Variants in PIK3CB observed in about 807,000 individuals in gnomAD.
The protein encoded by PIK3CB is phosphatidylinositol-4,5-bisphosphate 3-kinase catalytic subunit beta.
PIK3CB carries 39 observed loss-of-function variants against 136.8 expected under a neutral mutation model. The observed-to-expected ratio is 0.29, with a 90% confidence interval of 0.22 to 0.37. The LOEUF is 0.37. Among genes scored for constraint, PIK3CB ranks in the 10% least tolerant of loss-of-function variants. The pLI is 1.00. For synonymous variants in PIK3CB, 428 were observed against 436.6 expected, an observed-to-expected ratio of 0.98 and a Z score of 0.25; for missense variants, 868 against 1,275.4, an observed-to-expected ratio of 0.68 and a Z score of 4.87.
chr3:138,694,829 G>C lies in PIK3CB; in HGVS notation c.1849C>G (p.Gln617Glu). The C allele has an allele frequency of 6.2e-7, 1 of 1,613,344 alleles. No homozygotes were observed. The highest frequency in any genetic ancestry group is 8.5e-7 in the Non-Finnish European group (1 of 1,179,670). ...LELLDFNYPD[Q>E]YVREYAVGCL... ...CCTACAGCATATTCTCGAACGTACT[G>C]GTCTGGATAGTTGAAATCCAGAAGC... is the stretch of plus-strand genomic sequence containing the variant. Residue 617 changes from glutamine to glutamate, a missense_variant, in exon 14 of 24, where the codon CAG becomes GAG. Coordinates refer to ENST00000674063, the MANE Select transcript of PIK3CB (RefSeq NM_006219.3).
At chr3:138,785,915 G>A (rs1317694134) in intron 2 of PIK3CB, among the ~76,000 whole-genome samples, 1 of 150,924 alleles carries the variant, frequency 6.6e-6, no homozygotes, top group Non-Finnish European at 1.5e-5. Flanking sequence ...CAAAAAACTA[G>A]GCATAATCCT....
chr3:138,723,281 T>C (rs1361450376), intron 8 of PIK3CB, among the ~76,000 whole-genome samples: 1 of 152,186 alleles, frequency 6.6e-6, no homozygotes, highest in Non-Finnish European at 1.5e-5. Context: ...CCTGGCACAG[T>C]GGCTCACGCC....
intron 18 of PIK3CB, 119 bp from the exon 19 acceptor site, chr3:138,682,164 C>G: frequency 1.7e-6 from 1 of 603,902 alleles, no homozygotes; most frequent in Non-Finnish European, 2.9e-6. Context: ...CTAATATTTT[C>G]ACTAATTTTA....
chr3:138,829,648 G>T (rs560708299), intron 1 of PIK3CB, among the ~76,000 whole-genome samples: 4 of 152,236 alleles, frequency 2.6e-5, no homozygotes, highest in Admixed American at 2.6e-4. Flanking sequence ...TTAGCCGGGC[G>T]TGGTGGCGTG....
chr3:138,761,685 G>T (rs999846483), intron 2 of PIK3CB, among the ~76,000 whole-genome samples: 2 of 152,046 alleles, frequency 1.3e-5, no homozygotes, highest in Admixed American at 1.3e-4. Flanking sequence ...CACGAGAATT[G>T]CTTGAACCTG....
intron 19 of PIK3CB, among the ~76,000 whole-genome samples, chr3:138,669,926 A>G (rs2043498997): frequency 6.6e-6 from 1 of 152,214 alleles, no homozygotes; most frequent in Non-Finnish European, 1.5e-5. Flanking sequence ...AGAAACAGTA[A>G]AAAAGGTTTG....
chr3:138,781,515 C>CA (rs2045923104), intron 2 of PIK3CB, among the ~76,000 whole-genome samples: 1 of 151,370 alleles, frequency 6.6e-6, no homozygotes, highest in Non-Finnish European at 1.5e-5. Flanking sequence ...TGCAGTGGTG[C>CA]AATCTTGGCT....
chr3:138,705,198 A>AAAAAAAAAAAAAAAT (rs1559828847), intron 11 of PIK3CB, among the ~76,000 whole-genome samples: 1 of 144,076 alleles, frequency 6.9e-6, no homozygotes, highest in Non-Finnish European at 1.5e-5. Flanking sequence ...AACAAAAAAA[A>AAAAAAAAAAAAAAAT]AAACTTATAT....
At chr3:138,834,319 G>A (rs1261969848) in intron 1 of PIK3CB, among the ~76,000 whole-genome samples, 1 of 152,228 alleles carries the variant, frequency 6.6e-6, no homozygotes, top group Non-Finnish European at 1.5e-5. Context: ...CCTGAGGGTC[G>A]GGAAGTTCCG....
intron 19 of PIK3CB, among the ~76,000 whole-genome samples, chr3:138,676,236 T>C (rs2043640124): frequency 6.6e-6 from 1 of 152,088 alleles, no homozygotes; most frequent in East Asian, 1.9e-4. Flanking sequence ...CATTAGTCAT[T>C]GGGAAAATGC....
At chr3:138,690,888 T>C in intron 15 of PIK3CB, 112 bp downstream of exon 15, 1 of 789,020 alleles carries the variant, frequency 1.3e-6, no homozygotes, top group Non-Finnish European at 2.0e-6. Flanking sequence ...ATATAAATGT[T>C]ATAAACGGTT....
intron 1 of PIK3CB, among the ~76,000 whole-genome samples, chr3:138,808,805 TAA>T (rs1553743014): frequency 2.0e-5 from 3 of 151,676 alleles, no homozygotes; most frequent in African/African-American, 2.4e-5. Flanking sequence ...ATATAAAATA[TAA>T]GTTTTATATG....
chr3:138,689,226 T>A (rs769121278), intron 15 of PIK3CB, among the ~76,000 whole-genome samples: 1 of 152,104 alleles, frequency 6.6e-6, no homozygotes, highest in Non-Finnish European at 1.5e-5. Context: ...AATAAAAAAG[T>A]GTAGCTAGAT....
intron 1 of PIK3CB, among the ~76,000 whole-genome samples, chr3:138,824,064 A>G (rs1256278619): frequency 6.6e-6 from 1 of 152,184 alleles, no homozygotes. Context: ...TGGCAGGAGA[A>G]GAAGATAAAT....
At chr3:138,659,611 C>G (rs2043252135) in intron 21 of PIK3CB, among the ~76,000 whole-genome samples, 1 of 152,008 alleles carries the variant, frequency 6.6e-6, no homozygotes, top group South Asian at 2.1e-4. Context: ...TTATAATTGC[C>G]AATGTAGCTA....
At chr3:138,668,030 T>C (rs1400235855) in intron 19 of PIK3CB, among the ~76,000 whole-genome samples, 3 of 151,790 alleles carry the variant, frequency 2.0e-5, no homozygotes, top group Admixed American at 2.0e-4. Context: ...ATTGCACCAT[T>C]GCACTCCAGC....
intron 1 of PIK3CB, among the ~76,000 whole-genome samples, chr3:138,812,949 T>C (rs1933142602): frequency 6.6e-6 from 1 of 152,146 alleles, no homozygotes; most frequent in African/African-American, 2.4e-5. Context: ...AATGTAAAAC[T>C]GGTGAAATGT....
At chr3:138,709,065 G>A (rs1350752053) in intron 10 of PIK3CB, among the ~76,000 whole-genome samples, 1 of 150,112 alleles carries the variant, frequency 6.7e-6, no homozygotes, top group East Asian at 1.9e-4. Context: ...TTATACATGT[G>A]AACCACCATA....
At chr3:138,824,005 C>CT (rs36089860) in intron 1 of PIK3CB, among the ~76,000 whole-genome samples, 4,691 of 152,248 alleles carry the variant, frequency 0.031, 241 homozygotes, top group African/African-American at 0.11. Flanking sequence ...TGCTGGTTAT[C>CT]TAACTCCTTC....
Sources: allele counts gnomAD v4.1 joint callset (sites outside exome capture counted in the v4.1 genomes callset), GRCh38; gene constraint gnomAD v4.1.1; transcripts MANE v1.5; gene names NCBI Gene and HGNC (gene_info 2026-07-23, HGNC 2026-07-21).